Variants in UTP20 observed in about 807,000 individuals in gnomAD.
UTP20 encodes UTP20 small subunit processome component, also known as small subunit processome component 20 homolog.
In UTP20, 164 loss-of-function variants were observed where a neutral mutation model predicts 329.5. The ratio of observed to expected loss-of-function variants is 0.50; its 90% CI spans 0.44 to 0.57. The LOEUF is 0.57. Ranked by LOEUF, UTP20 falls within the 20% of genes least tolerant of loss-of-function variation. The probability of loss-of-function intolerance (pLI) is 0.00; values close to 1 mark genes in which losing one functional copy is unlikely to be tolerated. For missense variants in UTP20, 3,055 were observed against 3,284.2 expected, an observed-to-expected ratio of 0.93 and a Z score of 1.71; for synonymous variants, 1,151 against 1,159.3, an observed-to-expected ratio of 0.99 and a Z score of 0.14.
chr12:101,300,815 G>A (rs368527299), intron 14 of UTP20, among the ~76,000 whole-genome samples: 21 of 152,250 alleles, frequency 1.4e-4, no homozygotes, highest in East Asian at 5.8e-4. Context: ...TGGACTCGCC[G>A]CATGTCAAGT....
chr12:101,282,406 A>G (rs553613169), intron 2 of UTP20, among the ~76,000 whole-genome samples: 3 of 152,314 alleles, frequency 2.0e-5, no homozygotes, highest in African/African-American at 7.2e-5. Context: ...TAGAGAATGC[A>G]TGTCACATTC....
At chr12:101,355,370 A>T (rs1183507444) in intron 41 of UTP20, among the ~76,000 whole-genome samples, 1 of 152,232 alleles carries the variant, frequency 6.6e-6, no homozygotes, top group Non-Finnish European at 1.5e-5. Flanking sequence ...CAAAGTAGTT[A>T]TTAAGAGACT....
At chr12:101,342,890 C>T in intron 34 of UTP20, 51 bp from the exon 35 acceptor site, 5 of 1,609,640 alleles carry the variant, frequency 3.1e-6, no homozygotes, top group Middle Eastern at 1.7e-4. Flanking sequence ...TTTTTGTTTA[C>T]TGAAGATTTA....
At chr12:101,342,681 G>A (rs1408544305) in intron 33 of UTP20, 92 bp downstream of exon 33, 2 of 1,534,452 alleles carry the variant, frequency 1.3e-6, no homozygotes, top group Non-Finnish European at 1.8e-6. Flanking sequence ...TCATGCCAGG[G>A]TGATGTTTTT....
Position 101,334,278 on chromosome 12 carries a change from C to T in UTP20, c.3562-147C>T, listed in dbSNP as rs550204867. The stretch of plus-strand genomic sequence containing the variant: ...AGATGTTCTTTTGGATCTCTTTATA[C>T]TTTTTCTTATTGTGTCATTTGGATG... On this transcript the variant is annotated intron_variant, in intron 28 of 61. Coordinates refer to ENST00000261637, the MANE Select transcript of UTP20 (RefSeq NM_014503.3). The T allele has an allele frequency of 1.0e-4, 66 of 638,996 alleles. No individual in the cohort carries two copies. In the African/African-American group the frequency reaches 1.1e-3, roughly 11 times the overall value. 39.6% of individuals were successfully genotyped at this position (638,996 alleles called of 1,614,324 possible).
At chr12:101,298,259 G>A (rs962914843) in intron 12 of UTP20, among the ~76,000 whole-genome samples, 1 of 152,138 alleles carries the variant, frequency 6.6e-6, no homozygotes, top group African/African-American at 2.4e-5. Context: ...AAATAAGCGA[G>A]ATGATTTCAG....
chr12:101,314,921 G>A (rs775380984), intron 21 of UTP20, among the ~76,000 whole-genome samples: 56 of 151,258 alleles, frequency 3.7e-4, no homozygotes, highest in Non-Finnish European at 7.1e-4. Context: ...GTGAAATCCC[G>A]TCTCTACTAA....
chr12:101,318,831 G>GAA (rs35483128), intron 22 of UTP20, among the ~76,000 whole-genome samples: 1,977 of 97,518 alleles, frequency 0.02, 59 homozygotes, highest in East Asian at 0.12. Flanking sequence ...ACTCCATCTT[G>GAA]AAAAAAAAAA....
At chr12:101,350,638 G>A (rs1177654057) in intron 38 of UTP20, among the ~76,000 whole-genome samples, 1 of 152,072 alleles carries the variant, frequency 6.6e-6, no homozygotes, top group Non-Finnish European at 1.5e-5. Flanking sequence ...TTTAGTTTAT[G>A]ACTAATATGG....
intron 54 of UTP20, among the ~76,000 whole-genome samples, chr12:101,374,247 A>C (rs567538962): frequency 6.6e-6 from 1 of 152,182 alleles, no homozygotes; most frequent in East Asian, 1.9e-4. Context: ...AAAAAAAAAA[A>C]ATAAATAAAA....
At chr12:101,346,415 ATTCGGT>A (rs1869326252) in intron 37 of UTP20, 30 bp from the exon 38 acceptor site, 1 of 1,554,366 alleles carries the variant, frequency 6.4e-7, no homozygotes, top group African/African-American at 1.4e-5. Context: ...AGGTGAGATT[ATTCGGT>A]AACTAATTCA....
intron 35 of UTP20, among the ~76,000 whole-genome samples, chr12:101,343,517 A>G (rs902897298): frequency 2.0e-5 from 3 of 149,966 alleles, no homozygotes; most frequent in Admixed American, 6.7e-5. Flanking sequence ...TGAATTGTAA[A>G]TTTTTTTTTT....
At chr12:101,356,822 A>G in intron 42 of UTP20, 104 bp from the exon 43 acceptor site, 1 of 1,476,782 alleles carries the variant, frequency 6.8e-7, no homozygotes, top group Non-Finnish European at 9.1e-7. Flanking sequence ...TCGAATATTA[A>G]CAGGAAAATT....
At chr12:101,301,889 G>A (rs1872529291) in intron 14 of UTP20, among the ~76,000 whole-genome samples, 1 of 151,916 alleles carries the variant, frequency 6.6e-6, no homozygotes, top group Admixed American at 6.6e-5. Flanking sequence ...TTGGTTAATG[G>A]AACATACACA....
At chr12:101,298,592 T>A (rs756412507) in intron 12 of UTP20, among the ~76,000 whole-genome samples, 12 of 152,102 alleles carry the variant, frequency 7.9e-5, no homozygotes, top group Non-Finnish European at 1.6e-4. Context: ...GAGTATGGAC[T>A]TCATTGGTGG....
In UTP20 at chr12:101,355,022, T is replaced by C. The variant is rs1296015657; in HGVS notation, c.5298T>C (p.Pro1766=). The change falls in exon 41 of 62, where the codon CCT becomes CCC. Residue 1766 remains proline, a synonymous_variant. Coordinates refer to ENST00000261637, the MANE Select transcript of UTP20 (RefSeq NM_014503.3). The part of the protein sequence containing the change: ...ECITKPVSFL[P]QNKEEIERTI... ...TCACAAAGCCTGTCTCTTTCCTTCC[T>C]CAAAACAAGGAAGAAATAGAGAGAA... 5.0e-6 allele frequency: 8 copies of C among 1,614,098 alleles called. No individual in the cohort carries two copies. The highest frequency in any genetic ancestry group is 6.8e-6 in the Non-Finnish European group (8 of 1,180,030).
chr12:101,335,598 A>G (rs1304339673), intron 29 of UTP20, among the ~76,000 whole-genome samples: 1 of 152,198 alleles, frequency 6.6e-6, no homozygotes, highest in African/African-American at 2.4e-5. Flanking sequence ...CTCCATCTAA[A>G]TGTACATTCA....
At chr12:101,290,459 G>A (rs952387081) in intron 7 of UTP20, among the ~76,000 whole-genome samples, 185 bp downstream of exon 7, 1 of 152,192 alleles carries the variant, frequency 6.6e-6, no homozygotes, top group African/African-American at 2.4e-5. Flanking sequence ...TACTTACAGA[G>A]CCATTGATGT....
chr12:101,327,227 C>A lies in UTP20; in HGVS notation c.3188C>A (p.Pro1063His). ...ATATTCTTAGACCTGCTGTTTGAAC[C>A]TGTGAGGCATTTCAAGAATGGTAAC... ...IQIFLDLLFE[P>H]VRHFKNGECH... Residue 1063 changes from proline to histidine, a missense_variant, in exon 26 of 62, where the codon CCT (proline) becomes CAT (histidine). Transcript: ENST00000261637. 6.3e-7 allele frequency: 1 copy of A among 1,595,942 alleles called. No homozygotes were observed. Among genetic ancestry groups the A allele is most frequent in the Non-Finnish European group, 8.6e-7 (1 of 1,165,746 alleles).
Sources: gnomAD v4.1 joint callset for allele counts (sites outside exome capture counted in the v4.1 genomes callset) on GRCh38, gnomAD v4.1.1 for gene constraint, MANE v1.5 for transcripts, NCBI Gene and HGNC (gene_info 2026-07-23, HGNC 2026-07-21) for gene names.